Variants in RBFOX3 observed in about 807,000 individuals in gnomAD.
The protein encoded by RBFOX3 is RNA binding fox-1 homolog 3, also known as RNA binding protein fox-1 homolog 3.
Under a neutral mutation model 48.7 loss-of-function variants are expected in RBFOX3, and 17 were observed. The ratio of observed to expected loss-of-function variants is 0.35; its 90% CI spans 0.24 to 0.52. RBFOX3 has a LOEUF of 0.52. RBFOX3 is among the 20% of genes least tolerant of loss of function. The probability of loss-of-function intolerance (pLI) is 0.94; values close to 1 mark genes in which losing one functional copy is unlikely to be tolerated. For missense variants in RBFOX3, 382 were observed against 497.5 expected, an observed-to-expected ratio of 0.77 and a Z score of 2.21; for synonymous variants, 212 against 209.5, an observed-to-expected ratio of 1.01 and a Z score of -0.10.
chr17:79,463,259 A>ACTG (rs2075721072), intron 2 of RBFOX3, among the ~76,000 whole-genome samples: 1 of 95,238 alleles, frequency 1.0e-5, no homozygotes, highest in African/African-American at 4.1e-5. Context: ...TGCCACCTCC[A>ACTG]CCATCGCCAC....
chr17:79,324,200 G>A (rs1386681136), intron 2 of RBFOX3, among the ~76,000 whole-genome samples: 10 of 152,192 alleles, frequency 6.6e-5, no homozygotes, highest in Admixed American at 6.5e-4. Flanking sequence ...TCACTTGCCA[G>A]CCTGCAAGCA....
chr17:79,636,875 G>C, the RBFOX3 span, among the ~76,000 whole-genome samples: 1 of 152,100 alleles, frequency 6.6e-6, no homozygotes, highest in African/African-American at 2.4e-5. Flanking sequence ...GAATGTCTGA[G>C]TGGATTTAAA....
intron 4 of RBFOX3, among the ~76,000 whole-genome samples, chr17:79,227,893 A>C (rs2060507472): frequency 6.6e-6 from 1 of 152,130 alleles, no homozygotes; most frequent in Non-Finnish European, 1.5e-5. Flanking sequence ...CTTAGTGGGG[A>C]GCAGATAGGT....
chr17:79,592,235 TGTC>T (rs1218860071), intron 1 of RBFOX3, among the ~76,000 whole-genome samples: 3,629 of 148,624 alleles, frequency 0.024, 148 homozygotes, highest in African/African-American at 0.086. Flanking sequence ...TGTGGAGTAT[TGTC>T]GTCTGTGGAT....
At chr17:79,413,625 C>T (rs2064839664) in intron 2 of RBFOX3, among the ~76,000 whole-genome samples, 1 of 152,206 alleles carries the variant, frequency 6.6e-6, no homozygotes, top group Non-Finnish European at 1.5e-5. Context: ...GCTCTGGGCA[C>T]AGGCAGCGTT....
At chr17:79,546,538 C>G (rs2090455632) in intron 1 of RBFOX3, among the ~76,000 whole-genome samples, 1 of 142,318 alleles carries the variant, frequency 7.0e-6, no homozygotes, top group Non-Finnish European at 1.5e-5. Flanking sequence ...TGACGGCTTC[C>G]CAATGGCCTG....
At chr17:79,376,672 C>T (rs533428673) in intron 2 of RBFOX3, among the ~76,000 whole-genome samples, 6 of 152,234 alleles carry the variant, frequency 3.9e-5, no homozygotes, top group East Asian at 3.9e-4. Flanking sequence ...CAGGGCCGCA[C>T]GGGGGCTGGA....
At chr17:79,636,077 A>G in the RBFOX3 span, among the ~76,000 whole-genome samples, 1 of 152,148 alleles carries the variant, frequency 6.6e-6, no homozygotes, top group East Asian at 1.9e-4. Flanking sequence ...CCACTGATTT[A>G]CCCTGACAAG....
rs1429552950 is a variant in RBFOX3, at chr17:79,482,847, TG to T, written c.-319-250del. Among the ~76,000 whole-genome samples the T allele has an allele frequency of 6.6e-6, 1 of 151,972 alleles. No homozygotes were observed. Among genetic ancestry groups the T allele is most frequent in the Non-Finnish European group, 1.5e-5 (1 of 67,974 alleles). On this transcript the variant is annotated intron_variant, in intron 1 of 14. Coordinates refer to ENST00000693108, the MANE Select transcript of RBFOX3 (RefSeq NM_001350451.2). This position sits in a 1 kb window ranked among gnomAD's most constrained non-coding sequence, Gnocchi z 4.1. ...GGACCCTATTGCCAAACAGCCACCG[TG>T]CAGTCCATCCCAGGGTCCGCCCCTC...
chr17:79,429,019 C>T (rs1268870050), intron 2 of RBFOX3, among the ~76,000 whole-genome samples: 1 of 152,220 alleles, frequency 6.6e-6, no homozygotes, highest in African/African-American at 2.4e-5. Context: ...GTGACTCCCC[C>T]AGAGAGACTC....
At chr17:79,161,692 T>A (rs1238673333) in intron 4 of RBFOX3, among the ~76,000 whole-genome samples, 1 of 151,988 alleles carries the variant, frequency 6.6e-6, no homozygotes, top group African/African-American at 2.4e-5. Context: ...GCCTCCCGGG[T>A]TCAAGCGATT....
At chr17:79,629,382 C>T in the RBFOX3 span, among the ~76,000 whole-genome samples, 13 of 152,148 alleles carry the variant, frequency 8.5e-5, no homozygotes, top group Admixed American at 5.9e-4. Flanking sequence ...GAAATGACTC[C>T]AAAGCAGGGA....
intron 4 of RBFOX3, among the ~76,000 whole-genome samples, chr17:79,174,918 C>T (rs1406700705): frequency 6.6e-6 from 1 of 152,218 alleles, no homozygotes; most frequent in East Asian, 1.9e-4. Context: ...GCACCTTCAT[C>T]CACAGTGGCC....
intron 4 of RBFOX3, among the ~76,000 whole-genome samples, chr17:79,219,031 C>G (rs1308839688): frequency 6.6e-6 from 1 of 152,234 alleles, no homozygotes; most frequent in East Asian, 1.9e-4. Context: ...CCCTGCTGGA[C>G]CCACAGTCCA....
At chr17:79,303,385 G>A (rs2075615750) in intron 3 of RBFOX3, among the ~76,000 whole-genome samples, 1 of 151,918 alleles carries the variant, frequency 6.6e-6, no homozygotes, top group South Asian at 2.1e-4. Flanking sequence ...TCTTGGGGAA[G>A]TGGGGGTCTC....
intron 4 of RBFOX3, among the ~76,000 whole-genome samples, chr17:79,231,735 G>A (rs2061057986): frequency 6.6e-6 from 1 of 152,080 alleles, no homozygotes; most frequent in Non-Finnish European, 1.5e-5. Flanking sequence ...TCTAAGAAAA[G>A]ATGTTCAATA....
At chr17:79,271,886 G>C (rs2067786358) in intron 3 of RBFOX3, among the ~76,000 whole-genome samples, 1 of 152,238 alleles carries the variant, frequency 6.6e-6, no homozygotes, top group Non-Finnish European at 1.5e-5. Flanking sequence ...TGGCTCCAAA[G>C]GGTCTAGTCC....
At chr17:79,594,872 T>G (rs1473747588) in intron 1 of RBFOX3, among the ~76,000 whole-genome samples, 1 of 152,084 alleles carries the variant, frequency 6.6e-6, no homozygotes, top group East Asian at 1.9e-4. Context: ...GAAGCCACCC[T>G]CAGAAGCCTC....
intron 4 of RBFOX3, among the ~76,000 whole-genome samples, chr17:79,174,160 C>T (rs918347077): frequency 5.3e-5 from 8 of 152,262 alleles, no homozygotes; most frequent in Middle Eastern, 3.4e-3. Context: ...GGTGAAAACA[C>T]CTGGTAGAAG....
Sources: allele counts gnomAD v4.1 joint callset (sites outside exome capture counted in the v4.1 genomes callset), GRCh38; gene constraint gnomAD v4.1.1; non-coding constraint Gnocchi (gnomAD v3.1); transcripts MANE v1.5; gene names NCBI Gene and HGNC (gene_info 2026-07-23, HGNC 2026-07-21).